TRAPPC9: variants seen among roughly 807,000 people sequenced by gnomAD.
TRAPPC9 encodes IKK2 binding protein.
In TRAPPC9, 83 loss-of-function variants were observed where a neutral mutation model predicts 124.0. The observed-to-expected ratio is 0.67, with a 90% confidence interval of 0.56 to 0.80. The LOEUF is 0.80. Among genes scored for constraint, TRAPPC9 ranks in the 30% least tolerant of loss-of-function variants. TRAPPC9 has a pLI of 0.00. For missense variants in TRAPPC9, 1,302 were observed against 1,508.3 expected (o/e 0.86, Z 2.27); for synonymous variants, 638 against 617.5 (o/e 1.03, Z -0.49).
At chr8:140,037,086 T>C (rs1190604733) in intron 17 of TRAPPC9, among the ~76,000 whole-genome samples, 2 of 151,956 alleles carry the variant, frequency 1.3e-5, no homozygotes, top group Non-Finnish European at 2.9e-5. Flanking sequence ...ACACTTGTCA[T>C]GTGATGTATT....
chr8:140,451,005 C>T lies in TRAPPC9; in HGVS notation c.369G>A (p.Glu123=). 1 of 1,614,140 alleles carries T rather than the reference C, an allele frequency of 6.2e-7. No homozygotes were observed. The highest frequency in any genetic ancestry group is 8.5e-7 in the Non-Finnish European group (1 of 1,180,026). The change falls in exon 2 of 23, where the codon GAG becomes GAA. Residue 123 remains glutamate, a synonymous_variant. Transcript: ENST00000438773. ...CGTCGGTGCGCGGCTGCTCCACGAT[C>T]TCCCCCTGCAGCCCGAAGACAAAGA... ...SRLFVFGLQG[E]IVEQPRTDVA...
intron 15 of TRAPPC9, among the ~76,000 whole-genome samples, chr8:140,267,582 AT>A (rs1260520489): frequency 1.3e-5 from 2 of 152,252 alleles, no homozygotes; most frequent in Non-Finnish European, 2.9e-5. Context: ...TGATTATTTC[AT>A]CAGAAAAAAC....
At chr8:140,410,141 CAA>C (rs61149910) in intron 5 of TRAPPC9, among the ~76,000 whole-genome samples, 1,034 of 69,972 alleles carry the variant, frequency 0.015, 6 homozygotes, top group African/African-American at 0.042. Flanking sequence ...ACCTTGTCTC[CAA>C]AAAAAAAAAA....
chr8:140,259,303 G>A (rs2064344468), intron 15 of TRAPPC9, among the ~76,000 whole-genome samples: 1 of 152,110 alleles, frequency 6.6e-6, no homozygotes. Flanking sequence ...TCACTGCTCT[G>A]GGCTCCAACA....
rs143886005 is a variant in TRAPPC9 at position 140,426,257 on chromosome 8, G to A, written c.886+358C>T. On this transcript the variant is annotated intron_variant, in intron 5 of 22. Coordinates refer to ENST00000438773, the MANE Select transcript of TRAPPC9 (RefSeq NM_001160372.4). The stretch of plus-strand genomic sequence containing the variant: ...GAAATGCAGTAGAGAATTAACTCAC[G>A]TGGAAGGGAGCACAAGCCACAAATC... Among the ~76,000 whole-genome samples, 98 of 152,322 alleles carry A rather than the reference G, an allele frequency of 6.4e-4. No homozygotes were observed. In the East Asian group the frequency reaches 0.016, roughly 25 times the overall value.
chr8:139,831,999 C>A (rs868737594), intron 21 of TRAPPC9, among the ~76,000 whole-genome samples: 1 of 152,216 alleles, frequency 6.6e-6, no homozygotes, highest in Non-Finnish European at 1.5e-5. Flanking sequence ...GTCCATTAAC[C>A]TTGTGTCTCC....
intron 5 of TRAPPC9, among the ~76,000 whole-genome samples, chr8:140,408,575 A>G (rs1285937539): frequency 6.6e-6 from 1 of 152,204 alleles, no homozygotes; most frequent in African/African-American, 2.4e-5. Flanking sequence ...AATGGCTAAC[A>G]GGCTAGCACC....
chr8:139,956,802 G>T (rs899374457), intron 19 of TRAPPC9, among the ~76,000 whole-genome samples: 2 of 152,320 alleles, frequency 1.3e-5, no homozygotes, highest in South Asian at 2.1e-4. Flanking sequence ...CTACAGAGTG[G>T]CCTCCCACAC....
chr8:140,193,521 T>C (rs1029338410), intron 17 of TRAPPC9, among the ~76,000 whole-genome samples: 2 of 150,490 alleles, frequency 1.3e-5, no homozygotes, highest in Middle Eastern at 3.4e-3. Context: ...CCATTTTTTA[T>C]ATCACTGGCA....
rs1263796682 is a variant in TRAPPC9 at position 140,063,052 on chromosome 8, A to G, written c.2557-38973T>C. ...CCTTCTTCAGAAGGCGGCAGGAAGGAGAAGTGAATGCAGGAGGAACTACTG... is the reference window on the plus strand; with the variant it reads ...CCTTCTTCAGAAGGCGGCAGGAAGGGGAAGTGAATGCAGGAGGAACTACTG... On this transcript the variant is annotated intron_variant, in intron 17 of 22. Coordinates refer to ENST00000438773, the MANE Select transcript of TRAPPC9 (RefSeq NM_001160372.4). This position sits in a 1 kb window ranked among gnomAD's most constrained non-coding sequence, Gnocchi z 4.3. Among the ~76,000 whole-genome samples, 4 of 152,200 alleles carry G rather than the reference A, an allele frequency of 2.6e-5. No individual in the cohort carries two copies. The highest frequency in any genetic ancestry group is 5.9e-5 in the Non-Finnish European group (4 of 68,036).
chr8:139,881,976 G>T (rs1428033203), intron 21 of TRAPPC9, among the ~76,000 whole-genome samples: 1 of 152,182 alleles, frequency 6.6e-6, no homozygotes, highest in Non-Finnish European at 1.5e-5. Flanking sequence ...CAGGAAGGGG[G>T]TCTATGCACT....
intron 21 of TRAPPC9, among the ~76,000 whole-genome samples, chr8:139,737,827 C>G (rs1231260542): frequency 6.6e-6 from 1 of 152,130 alleles, no homozygotes; most frequent in African/African-American, 2.4e-5. Context: ...TGTTAGGGGC[C>G]GCTTGATCCT....
chr8:139,874,297 G>A (rs1829182208), intron 21 of TRAPPC9, among the ~76,000 whole-genome samples: 1 of 152,256 alleles, frequency 6.6e-6, no homozygotes, highest in South Asian at 2.1e-4. Flanking sequence ...GCCTTGGACC[G>A]ATAGGAGGAG....
In TRAPPC9 at chr8:140,216,078, A is replaced by C. The variant is rs2063185322; in HGVS notation, c.2556+5381T>G. 1 of 152,258 alleles carries C rather than the reference A, an allele frequency of 6.6e-6. No homozygotes were observed. Among genetic ancestry groups the C allele is most frequent in the African/African-American group, 2.4e-5 (1 of 41,472 alleles). The allele number at this position is 152,258 out of a possible 1,614,324, so 9.4% of individuals were successfully genotyped here. ...AGCTGTAGTGAAAGAAGAAGGTGTC[A>C]CAGTGTAACTGACAGAGACCAAAGT... On this transcript the variant is annotated intron_variant, in intron 17 of 22. Coordinates refer to ENST00000438773, the MANE Select transcript of TRAPPC9 (RefSeq NM_001160372.4). The surrounding 1 kb of genome is among the most constrained non-coding windows in gnomAD (Gnocchi z 4.1).
intron 21 of TRAPPC9, among the ~76,000 whole-genome samples, chr8:139,834,157 C>T (rs1826177856): frequency 1.3e-5 from 2 of 152,170 alleles, no homozygotes; most frequent in South Asian, 4.2e-4. Flanking sequence ...CCCACCAGAG[C>T]CTGTCACAGT....
intron 17 of TRAPPC9, among the ~76,000 whole-genome samples, chr8:140,141,370 T>G (rs1554631436): frequency 6.6e-6 from 1 of 152,182 alleles, no homozygotes; most frequent in Non-Finnish European, 1.5e-5. Flanking sequence ...CTGTAGACAC[T>G]CTCGACCCAT....
intron 10 of TRAPPC9, among the ~76,000 whole-genome samples, chr8:140,303,715 T>G (rs1296379641): frequency 1.3e-5 from 2 of 152,252 alleles, no homozygotes; most frequent in African/African-American, 4.8e-5. Context: ...TGGCTCCTTT[T>G]TCATTACTTG....
chr8:140,279,061 A>G (rs1288315657), intron 14 of TRAPPC9, among the ~76,000 whole-genome samples: 1 of 152,030 alleles, frequency 6.6e-6, no homozygotes, highest in Admixed American at 6.5e-5. Context: ...TCTTCTTTGC[A>G]TTTTCTTCCA....
intron 14 of TRAPPC9, among the ~76,000 whole-genome samples, chr8:140,280,272 C>T (rs371472611): frequency 6.6e-5 from 10 of 152,292 alleles, no homozygotes; most frequent in South Asian, 2.1e-4. Flanking sequence ...GCAGGCTCGG[C>T]GGAAATCATG....
Sources: gnomAD v4.1 joint callset for allele counts (sites outside exome capture counted in the v4.1 genomes callset) on GRCh38, gnomAD v4.1.1 for gene constraint, Gnocchi (gnomAD v3.1) non-coding constraint, MANE v1.5 for transcripts, NCBI Gene and HGNC (gene_info 2026-07-23, HGNC 2026-07-21) for gene names.